SGCD: variants seen among roughly 807,000 people sequenced by gnomAD.
The protein encoded by SGCD is sarcoglycan delta.
A neutral mutation model predicts 36.6 loss-of-function variants in SGCD; 18 were observed. The observed-to-expected ratio is 0.49, with a 90% CI of 0.34 to 0.73. SGCD has a LOEUF of 0.73. Among genes scored for constraint, SGCD ranks in the 30% least tolerant of loss-of-function variants. SGCD has a pLI of 0.01. For missense variants in SGCD, 387 were observed against 346.7 expected, an observed-to-expected ratio of 1.12 and a Z score of -0.92; for synonymous variants, 133 against 130.6, an observed-to-expected ratio of 1.02 and a Z score of -0.12.
rs17053143 is a variant in SGCD, at chr5:156,023,266, A to G, written c.-281-94612A>G. On this transcript the variant is annotated intron_variant, in intron 1 of 9. Coordinates refer to the SGCD transcript ENST00000517913. ...GGTTATTAAAGAAGGAAAATTTTGAATCCAGGTGGTACAAATGATTCTTTG... is the reference window on the plus strand; with the variant it reads ...GGTTATTAAAGAAGGAAAATTTTGAGTCCAGGTGGTACAAATGATTCTTTG... 5.3e-3 allele frequency among the ~76,000 whole-genome samples: 809 copies of G among 152,336 alleles called. 8 individuals are homozygous for G. The highest frequency in any genetic ancestry group is 0.018 in the African/African-American group (758 of 41,574).
chr5:156,405,285 G>T (rs111916565), intron 3 of SGCD, among the ~76,000 whole-genome samples: 6 of 152,280 alleles, frequency 3.9e-5, no homozygotes, highest in African/African-American at 1.4e-4. Context: ...GAAACCAGGC[G>T]ATGACAAATA....
chr5:156,730,254 G>A (rs1004069646), intron 7 of SGCD, among the ~76,000 whole-genome samples: 1 of 152,106 alleles, frequency 6.6e-6, no homozygotes, highest in Non-Finnish European at 1.5e-5. Flanking sequence ...AAGTTCAGGA[G>A]TACAAGTACA....
At chr5:155,999,936 C>T (rs529539733) in intron 1 of SGCD, among the ~76,000 whole-genome samples, 189 of 152,282 alleles carry the variant, frequency 1.2e-3, no homozygotes, top group Non-Finnish European at 2.4e-3. Flanking sequence ...AAGATTTAAA[C>T]GTTATGAATC....
At chr5:156,475,016 A>G (rs1290116022) in intron 3 of SGCD, among the ~76,000 whole-genome samples, 3 of 152,248 alleles carry the variant, frequency 2.0e-5, no homozygotes, top group African/African-American at 7.2e-5. Flanking sequence ...TGACTGGCAT[A>G]TAATAAGCAT....
At chr5:156,286,375 A>G (rs2127675522) in intron 3 of SGCD, among the ~76,000 whole-genome samples, 1 of 151,848 alleles carries the variant, frequency 6.6e-6, no homozygotes, top group Middle Eastern at 3.6e-3. Context: ...ACATGCACAC[A>G]TATGTTTATT....
upstream of SGCD, among the ~76,000 whole-genome samples, chr5:155,868,210 C>T (rs1226381358): frequency 6.6e-6 from 1 of 152,084 alleles, no homozygotes; most frequent in South Asian, 2.1e-4. Flanking sequence ...TACCATCATG[C>T]CTGGCTAATT....
At chr5:156,081,966 G>T (rs1760966250) in intron 1 of SGCD, among the ~76,000 whole-genome samples, 2 of 152,232 alleles carry the variant, frequency 1.3e-5, no homozygotes, top group African/African-American at 4.8e-5. Context: ...TATAGTAAAT[G>T]ATTTTAGGGG....
chr5:156,229,832 C>T (rs1581182163), intron 3 of SGCD, among the ~76,000 whole-genome samples: 1 of 152,204 alleles, frequency 6.6e-6, no homozygotes, highest in African/African-American at 2.4e-5. Flanking sequence ...TAATCTCAGA[C>T]TTCTTGGAAG....
chr5:156,075,419 G>A (rs1760747761), intron 1 of SGCD, among the ~76,000 whole-genome samples: 1 of 152,126 alleles, frequency 6.6e-6, no homozygotes, highest in African/African-American at 2.4e-5. Context: ...TAGATTATGG[G>A]TAGATGCACA....
chr5:155,874,883 A>T (rs1755734079), intron 1 of SGCD, among the ~76,000 whole-genome samples: 1 of 152,076 alleles, frequency 6.6e-6, no homozygotes, highest in Non-Finnish European at 1.5e-5. Flanking sequence ...ACTTAAAATC[A>T]CTTATTATCC....
chr5:155,821,354 C>T, the SGCD span, among the ~76,000 whole-genome samples: 16 of 152,040 alleles, frequency 1.1e-4, no homozygotes, highest in Non-Finnish European at 1.9e-4. Flanking sequence ...TTCTCTGTTG[C>T]CCAGGCTGGA....
chr5:156,511,665 T>C (rs1009396258), intron 4 of SGCD, among the ~76,000 whole-genome samples: 4 of 152,238 alleles, frequency 2.6e-5, no homozygotes, highest in Non-Finnish European at 5.9e-5. Context: ...AATAGTCGTA[T>C]ATAAACAGCA....
intron 3 of SGCD, among the ~76,000 whole-genome samples, chr5:156,282,355 G>A (rs1425170992): frequency 6.6e-6 from 1 of 152,136 alleles, no homozygotes; most frequent in East Asian, 1.9e-4. Context: ...TACCTGTGTA[G>A]GGGGAAAGGG....
At chr5:155,734,158 T>G in the SGCD span, among the ~76,000 whole-genome samples, 2 of 147,430 alleles carry the variant, frequency 1.4e-5, no homozygotes, top group Admixed American at 6.8e-5. Context: ...ATAATGTTAC[T>G]GTTATTATAT....
chr5:156,461,808 C>T (rs186745502), intron 3 of SGCD, among the ~76,000 whole-genome samples: 32 of 152,240 alleles, frequency 2.1e-4, no homozygotes, highest in Non-Finnish European at 4.3e-4. Context: ...CTTTCTTCCT[C>T]TGAAAATATC....
intron 4 of SGCD, among the ~76,000 whole-genome samples, chr5:156,516,237 C>T (rs944213641): frequency 6.6e-6 from 1 of 152,198 alleles, no homozygotes; most frequent in Non-Finnish European, 1.5e-5. Context: ...CACACACACA[C>T]CCCCAATAGG....
rs112247472 is a variant in SGCD at position 156,050,284 on chromosome 5, T to A, written c.-281-67594T>A. Among the ~76,000 whole-genome samples the A allele has an allele frequency of 8.4e-4, 123 of 146,698 alleles. 10 individuals are homozygous for A. Among genetic ancestry groups the A allele is most frequent in the Middle Eastern group, 7.3e-3 (2 of 274 alleles). ...CATCACCCTGATCAGTCATCAGCCATCAACACTGAGGCAAGACTCTCCACC... is the reference window on the plus strand; with the variant it reads ...CATCACCCTGATCAGTCATCAGCCAACAACACTGAGGCAAGACTCTCCACC... On this transcript the variant is annotated intron_variant, in intron 1 of 9. Transcript: ENST00000517913.
At chr5:155,909,629 G>T (rs1237671708) in intron 1 of SGCD, among the ~76,000 whole-genome samples, 2 of 152,134 alleles carry the variant, frequency 1.3e-5, no homozygotes, top group African/African-American at 4.8e-5. Context: ...AATAGGAATT[G>T]CTTCCAAGGG....
At chr5:156,302,908 G>A (rs1767091255) in intron 3 of SGCD, among the ~76,000 whole-genome samples, 1 of 152,180 alleles carries the variant, frequency 6.6e-6, no homozygotes, top group South Asian at 2.1e-4. Flanking sequence ...GGATTGTGCT[G>A]GGTCAGACCC....
Sources: gnomAD v4.1 joint callset for allele counts (sites outside exome capture counted in the v4.1 genomes callset) on GRCh38, gnomAD v4.1.1 for gene constraint, MANE v1.5 for transcripts, NCBI Gene and HGNC (gene_info 2026-07-23, HGNC 2026-07-21) for gene names.